The following RTKN2 variants were observed in gnomAD, a reference collection of about 807,000 sequenced individuals.
RTKN2 encodes the protein rhotekin 2, also known as rhotekin-2.
RTKN2 carries 69 observed loss-of-function variants against 71.5 expected under a neutral mutation model. The ratio of observed to expected loss-of-function variants is 0.96; its 90% CI spans 0.79 to 1.18. The LOEUF (loss-of-function observed/expected upper bound fraction) is 1.18, where lower values mean the gene tolerates loss of function less well. RTKN2 is among the 50% of genes most tolerant of loss of function. The probability of loss-of-function intolerance (pLI) is 0.00; values close to 1 mark genes in which losing one functional copy is unlikely to be tolerated. For synonymous variants in RTKN2, 236 were observed against 236.5 expected (o/e 1.00, Z 0.02); for missense variants, 724 against 719.7 (o/e 1.01, Z -0.07).
intron 2 of RTKN2, among the ~76,000 whole-genome samples, chr10:62,260,779 A>G (rs1472966943): frequency 2.0e-5 from 3 of 152,218 alleles, no homozygotes; most frequent in Non-Finnish European, 4.4e-5. Context: ...TTTAAAGAGC[A>G]TTAAATATGG....
downstream of RTKN2, among the ~76,000 whole-genome samples, chr10:62,188,525 C>T (rs1348408164): frequency 6.6e-6 from 1 of 152,074 alleles, no homozygotes; most frequent in Admixed American, 6.6e-5. Context: ...TCAGAGAGTT[C>T]GTGAACGTAT....
chr10:62,186,923 G>A (rs59691733), intron 8 of RTKN2, among the ~76,000 whole-genome samples: 2,203 of 152,110 alleles, frequency 0.014, 50 homozygotes, highest in African/African-American at 0.049. Flanking sequence ...TATTGATTGC[G>A]TCCCAGGAAG....
At chr10:62,229,102 C>T (rs553107497) in intron 6 of RTKN2, among the ~76,000 whole-genome samples, 7 of 152,230 alleles carry the variant, frequency 4.6e-5, no homozygotes, top group South Asian at 4.1e-4. Flanking sequence ...CTCATGAGTA[C>T]GAGTGCAAAG....
intron 10 of RTKN2, among the ~76,000 whole-genome samples, chr10:62,200,608 GA>G (rs1231316411): frequency 6.6e-6 from 1 of 151,556 alleles, no homozygotes; most frequent in Non-Finnish European, 1.5e-5. Context: ...GAAGGAAATA[GA>G]AAAAAACATA....
chr10:62,186,382 T>C (rs1219865956), intron 8 of RTKN2, among the ~76,000 whole-genome samples: 1 of 152,232 alleles, frequency 6.6e-6, no homozygotes, highest in African/African-American at 2.4e-5. Flanking sequence ...AAAAATAAGA[T>C]TGATGAGGGA....
At chr10:62,217,290 A>C in intron 8 of RTKN2, 41 bp from the exon 9 acceptor site, 1 of 1,386,384 alleles carries the variant, frequency 7.2e-7, no homozygotes, top group Non-Finnish European at 9.8e-7. Flanking sequence ...TATCAATTTT[A>C]AGTTATTATC....
chr10:62,191,194 C>T (rs61850822), downstream of RTKN2, among the ~76,000 whole-genome samples: 36,672 of 152,114 alleles, frequency 0.24, 5,844 homozygotes, highest in East Asian at 0.68. Context: ...TACAGTGACT[C>T]GATCACAGTT....
intron 9 of RTKN2, among the ~76,000 whole-genome samples, chr10:62,205,335 C>T (rs1841528896): frequency 6.6e-6 from 1 of 152,130 alleles, no homozygotes; most frequent in South Asian, 2.1e-4. Flanking sequence ...TGGAAGTTTA[C>T]TGTCTTTTAT....
At chr10:62,258,653 G>C (rs985210919) in intron 2 of RTKN2, among the ~76,000 whole-genome samples, 1 of 151,810 alleles carries the variant, frequency 6.6e-6, no homozygotes, top group African/African-American at 2.4e-5. Flanking sequence ...AACATAACAG[G>C]ATATAGAATA....
At chr10:62,189,058 C>CT (rs34303718), downstream of RTKN2, among the ~76,000 whole-genome samples, 75,291 of 135,390 alleles carry the variant, frequency 0.56, 21,726 homozygotes, top group East Asian at 0.86. Flanking sequence ...ATATTTCCTA[C>CT]TTTTTTTTTT....
At chr10:62,185,522 A>C (rs1205794384) in intron 8 of RTKN2, among the ~76,000 whole-genome samples, 1 of 152,212 alleles carries the variant, frequency 6.6e-6, no homozygotes, top group Non-Finnish European at 1.5e-5. Flanking sequence ...AGGCTGAGGC[A>C]GGAGAACCGC....
chr10:62,186,941 CA>C lies in RTKN2; in HGVS notation c.862-2555del, dbSNP rs939791871. 6.6e-5 allele frequency among the ~76,000 whole-genome samples: 10 copies of C among 152,066 alleles called. 1 individual carries two copies. The highest frequency in any genetic ancestry group is 2.4e-4 in the African/African-American group (10 of 41,478). On this transcript the variant is annotated intron_variant, in intron 8 of 8. Coordinates refer to the RTKN2 transcript ENST00000315289. ...TGATTGCGTCCCAGGAAGTTTATGG[CA>C]AAAAAATTAAACATACTATTTTCAC...
At chr10:62,204,095 G>C (rs987422452) in intron 10 of RTKN2, among the ~76,000 whole-genome samples, 3 of 152,092 alleles carry the variant, frequency 2.0e-5, no homozygotes, top group African/African-American at 7.2e-5. Flanking sequence ...CTATGGAATA[G>C]GATTCAGTAG....
chr10:62,193,672 A>T lies in RTKN2; in HGVS notation c.*4236T>A, dbSNP rs1009400680. ...AAAGTACTGAGGGAGGTACATTAAAATAAGGAGACTCCTTGTGGCTAGTAG... is the reference window on the plus strand; with the variant it reads ...AAAGTACTGAGGGAGGTACATTAAATTAAGGAGACTCCTTGTGGCTAGTAG... On this transcript the variant is annotated 3_prime_UTR_variant, in exon 12 of 12. Transcript: ENST00000373789. 5.8e-5 allele frequency: 57 copies of T among 985,202 alleles called. No individual in the cohort carries two copies. The highest frequency in any genetic ancestry group is 5.2e-4 in the Middle Eastern group (1 of 1,936). 61.0% of individuals were successfully genotyped at this position (985,202 alleles called of 1,614,324 possible). A position where few individuals can be genotyped will look rare whatever the true frequency, so the allele number is the denominator to read the frequency against.
intron 6 of RTKN2, among the ~76,000 whole-genome samples, chr10:62,235,119 A>G (rs1273218067): frequency 2.0e-5 from 3 of 152,144 alleles, no homozygotes; most frequent in Non-Finnish European, 2.9e-5. Context: ...TCAATAAATA[A>G]TGACAAGAAA....
intron 6 of RTKN2, among the ~76,000 whole-genome samples, chr10:62,234,860 C>T (rs1207244583): frequency 6.6e-6 from 1 of 152,044 alleles, no homozygotes; most frequent in Non-Finnish European, 1.5e-5. Flanking sequence ...CTGGCAACAC[C>T]TAACATTTTA....
At chr10:62,202,767 G>A (rs1413182710) in intron 10 of RTKN2, among the ~76,000 whole-genome samples, 15 of 152,178 alleles carry the variant, frequency 9.9e-5, no homozygotes, top group Non-Finnish European at 1.8e-4. Context: ...TCTAGAGAAT[G>A]AAAGCATGAG....
At chr10:62,209,468 T>C (rs915781958) in intron 9 of RTKN2, among the ~76,000 whole-genome samples, 1 of 152,072 alleles carries the variant, frequency 6.6e-6, no homozygotes, top group Non-Finnish European at 1.5e-5. Context: ...ATTATTATTA[T>C]TGTTAAACTT....
At chr10:62,235,899 G>A (rs4381270) in intron 6 of RTKN2, among the ~76,000 whole-genome samples, 167 bp downstream of exon 6, 115,392 of 151,936 alleles carry the variant, frequency 0.76, 43,906 homozygotes, top group East Asian at 0.9. Context: ...TACCTTTAAA[G>A]GAGGGTATTA....
Sources: allele counts gnomAD v4.1 joint callset (sites outside exome capture counted in the v4.1 genomes callset), GRCh38; gene constraint gnomAD v4.1.1; transcripts MANE v1.5; gene names NCBI Gene and HGNC (gene_info 2026-07-23, HGNC 2026-07-21).